DNAH5: variants seen among roughly 807,000 people sequenced by gnomAD.
DNAH5 encodes the protein dynein axonemal heavy chain 5.
DNAH5 carries 372 observed loss-of-function variants against 518.2 expected under a neutral mutation model. The observed-to-expected ratio is 0.72, with a 90% CI of 0.66 to 0.78. The LOEUF (loss-of-function observed/expected upper bound fraction) is 0.78. DNAH5 is among the 30% of genes least tolerant of loss of function. The pLI is 0.00. For synonymous variants in DNAH5, 2,039 were observed against 2,025.9 expected (o/e 1.01, Z -0.17); for missense variants, 5,523 against 5,687.0 (o/e 0.97, Z 0.93).
intron 61 of DNAH5, 28 bp downstream of exon 61, chr5:13,758,818 A>G (rs1294705746): frequency 1.2e-6 from 2 of 1,613,648 alleles, no homozygotes; most frequent in East Asian, 4.5e-5. Flanking sequence ...GATATGTGAC[A>G]GTCCCTGCCA....
At chr5:13,966,668 T>A (rs1396321159) in intron 1 of DNAH5, among the ~76,000 whole-genome samples, 3 of 152,184 alleles carry the variant, frequency 2.0e-5, no homozygotes, top group Non-Finnish European at 4.4e-5. Flanking sequence ...CTTTTGAGAA[T>A]TGTCTATTCA....
chr5:13,699,692 T>A (rs1741827281), intron 78 of DNAH5, among the ~76,000 whole-genome samples: 1 of 152,202 alleles, frequency 6.6e-6, no homozygotes, highest in African/African-American at 2.4e-5. Context: ...CCAGCCTGGG[T>A]GACAGAACAA....
chr5:13,848,798 G>A (rs766408360), intron 31 of DNAH5, among the ~76,000 whole-genome samples: 1 of 152,138 alleles, frequency 6.6e-6, no homozygotes, highest in African/African-American at 2.4e-5. Context: ...GTGATATTGC[G>A]AGTGATGAGG....
chr5:13,757,695 T>C (rs956746495), intron 61 of DNAH5, among the ~76,000 whole-genome samples: 1 of 152,230 alleles, frequency 6.6e-6, no homozygotes, highest in Non-Finnish European at 1.5e-5. Context: ...TTAAAGAAAT[T>C]CACAATTTAA....
At chr5:13,960,599 C>G (rs1430953941) in intron 1 of DNAH5, among the ~76,000 whole-genome samples, 1 of 152,222 alleles carries the variant, frequency 6.6e-6, no homozygotes, top group Non-Finnish European at 1.5e-5. Context: ...TTATCTGGTC[C>G]TGTACAGAAA....
At chr5:13,807,420 C>T (rs571383609) in intron 47 of DNAH5, among the ~76,000 whole-genome samples, 171 bp downstream of exon 47, 14 of 152,232 alleles carry the variant, frequency 9.2e-5, no homozygotes, top group East Asian at 1.9e-4. Context: ...TATATTCTAA[C>T]TAGGGAAACT....
intron 1 of DNAH5, among the ~76,000 whole-genome samples, chr5:13,960,432 CAT>C (rs1232368080): frequency 6.6e-6 from 1 of 152,132 alleles, no homozygotes; most frequent in Non-Finnish European, 1.5e-5. Context: ...AACTATGGCT[CAT>C]GTGCAAAAAC....
intron 47 of DNAH5, among the ~76,000 whole-genome samples, chr5:13,795,942 C>G (rs1235936984): frequency 6.6e-6 from 1 of 152,168 alleles, no homozygotes; most frequent in African/African-American, 2.4e-5. Flanking sequence ...GAACCAACAA[C>G]AAAAACCACA....
chr5:13,777,611 C>A (rs1248617126), intron 53 of DNAH5, among the ~76,000 whole-genome samples: 3 of 152,178 alleles, frequency 2.0e-5, no homozygotes, highest in Non-Finnish European at 4.4e-5. Context: ...ATTTTTATCA[C>A]AACCAAATGT....
intron 6 of DNAH5, 79 bp from the exon 7 acceptor site, chr5:13,919,431 A>C (rs1320286681): frequency 1.3e-6 from 2 of 1,533,480 alleles, no homozygotes; most frequent in African/African-American, 1.4e-5. Flanking sequence ...AAAAACAAAT[A>C]AGGAAATCAA....
chr5:13,967,961 TC>T (rs1402318003), intron 1 of DNAH5, among the ~76,000 whole-genome samples: 1 of 152,246 alleles, frequency 6.6e-6, no homozygotes. Flanking sequence ...GGGATGGGTT[TC>T]CATTTGTTTG....
intron 65 of DNAH5, among the ~76,000 whole-genome samples, chr5:13,749,531 C>G (rs1292135097): frequency 1.3e-5 from 2 of 152,166 alleles, no homozygotes; most frequent in Admixed American, 1.3e-4. Flanking sequence ...TTTGTTGTTG[C>G]TGTTGCTGTT....
At chr5:13,889,108 C>T (rs1387588848) in intron 17 of DNAH5, among the ~76,000 whole-genome samples, 1 of 152,130 alleles carries the variant, frequency 6.6e-6, no homozygotes, top group Non-Finnish European at 1.5e-5. Context: ...GCTTAAAATG[C>T]ATTAATATTA....
intron 5 of DNAH5, 61 bp downstream of exon 5, chr5:13,922,046 T>G: frequency 1.3e-6 from 2 of 1,545,702 alleles, no homozygotes; most frequent in Non-Finnish European, 1.8e-6. Flanking sequence ...CATTACACAC[T>G]TATGTACTGT....
rs1208546634 is a variant in DNAH5 at position 13,917,144 on chromosome 5, G to A, written c.1088C>T (p.Pro363Leu). 6.2e-7 allele frequency: 1 copy of A among 1,609,466 alleles called. No individual in the cohort carries two copies. The highest frequency in any genetic ancestry group is 1.7e-5 in the Admixed American group (1 of 60,002). ...AAAGAGTAGAAATCCTTAACTCACG[G>A]GATCACTGCTGTACAAAGGGTCACA... ...KCCDPLYSSD[P>L]LSMMDAIPTL... Residue 363 changes from proline to leucine, a missense_variant and splice_region_variant, in exon 8 of 79, where the codon CCC becomes CTC. Physicochemically the swap from Pro to Leu is moderately conservative, Grantham distance 98. This residue lies in a region of DNAH5 where 5,121 missense variants were observed against 5,223.3 expected (regional missense o/e 0.98). Coordinates refer to ENST00000265104, the MANE Select transcript of DNAH5 (RefSeq NM_001369.3).
intron 38 of DNAH5, among the ~76,000 whole-genome samples, chr5:13,826,266 AG>A (rs1254330331): frequency 6.6e-6 from 1 of 152,234 alleles, no homozygotes; most frequent in African/African-American, 2.4e-5. Flanking sequence ...TGAGGGAAGT[AG>A]TGAAGTGGTA....
rs1403132841 is a variant in DNAH5 at position 13,917,201 on chromosome 5, T to C, written c.1031A>G (p.Asn344Ser). The C allele has an allele frequency of 1.9e-6, 3 of 1,613,960 alleles. No individual in the cohort carries two copies. The highest frequency in any genetic ancestry group is 2.5e-6 in the Non-Finnish European group (3 of 1,179,982). The change falls in exon 8 of 79, where the codon AAT becomes AGT. Residue 344 changes from asparagine to serine, a missense_variant. Asn to Ser is a conservative substitution (Grantham distance 46). Around this residue, in one of 3 missense-constraint regions of DNAH5, gnomAD observed 5,121 missense variants for 5,223.3 expected, o/e 0.98. Transcript: ENST00000265104. The stretch of plus-strand genomic sequence containing the variant: ...TTCAAGTGTATACAAGTATTTCACA[T>C]TGTCCTTTGCTTCATTAGTTGCATC... ...ITDATNEAKD[N>S]VKYLYTLEKC...
chr5:13,802,893 TGA>T (rs1427754104), intron 47 of DNAH5, among the ~76,000 whole-genome samples: 4 of 152,152 alleles, frequency 2.6e-5, no homozygotes, highest in African/African-American at 9.7e-5. Context: ...AACCCAGAAA[TGA>T]GAGTGTGTAT....
At chr5:13,949,875 G>C (rs768500565) in intron 1 of DNAH5, among the ~76,000 whole-genome samples, 5 of 152,164 alleles carry the variant, frequency 3.3e-5, no homozygotes, top group Non-Finnish European at 5.9e-5. Flanking sequence ...TTCTGATCCT[G>C]AATCCTGTAC....
Sources: gnomAD v4.1 joint callset for allele counts (sites outside exome capture counted in the v4.1 genomes callset) on GRCh38, gnomAD v4.1.1 for gene constraint, gnomAD v4.1.1 regional missense constraint, MANE v1.5 for transcripts, NCBI Gene and HGNC (gene_info 2026-07-23, HGNC 2026-07-21) for gene names.